Variants in SDK1 observed in about 807,000 individuals in gnomAD.
The protein encoded by SDK1 is protein sidekick-1.
SDK1 carries 157 observed loss-of-function variants against 245.5 expected under a neutral mutation model. That is an observed-to-expected ratio of 0.64 (90% CI 0.56 to 0.73). SDK1 has a LOEUF of 0.73. Ranked by LOEUF, SDK1 falls within the 30% of genes least tolerant of loss-of-function variation. SDK1 has a pLI of 0.00. For synonymous variants in SDK1, 1,647 were observed against 1,278.5 expected, an observed-to-expected ratio of 1.29 and a Z score of -6.15; for missense variants, 3,583 against 3,002.3, an observed-to-expected ratio of 1.19 and a Z score of -4.52.
chr7:4,148,788 T>C (rs1046021022), intron 29 of SDK1, among the ~76,000 whole-genome samples: 1 of 152,196 alleles, frequency 6.6e-6, no homozygotes, highest in Non-Finnish European at 1.5e-5. Context: ...CTGGGTGTAG[T>C]GGCTCACGCC....
intron 4 of SDK1, among the ~76,000 whole-genome samples, chr7:3,669,380 C>G (rs1297551789): frequency 2.0e-5 from 3 of 152,136 alleles, no homozygotes; most frequent in Non-Finnish European, 2.9e-5. Flanking sequence ...CTTCTTACCC[C>G]CTTTTCATTG....
intron 1 of SDK1, among the ~76,000 whole-genome samples, chr7:3,329,936 T>C (rs1261321091): frequency 6.6e-6 from 1 of 152,220 alleles, no homozygotes; most frequent in African/African-American, 2.4e-5. Context: ...AATACTATGC[T>C]GTTTTATATC....
chr7:3,917,657 C>T (rs1362054486), intron 5 of SDK1, among the ~76,000 whole-genome samples: 6 of 152,142 alleles, frequency 3.9e-5, no homozygotes, highest in Non-Finnish European at 5.9e-5. Context: ...GTTAGAGGAA[C>T]GTCTATGGGA....
chr7:3,509,749 C>A (rs1019722026), intron 1 of SDK1, among the ~76,000 whole-genome samples: 147 of 152,260 alleles, frequency 9.7e-4, no homozygotes, highest in African/African-American at 3.4e-3. Flanking sequence ...TTTCTACCTT[C>A]GGCCCTGCAG....
intron 32 of SDK1, among the ~76,000 whole-genome samples, chr7:4,162,391 T>TTATTAG (rs1480532449): frequency 6.8e-6 from 1 of 147,118 alleles, no homozygotes; most frequent in Non-Finnish European, 1.5e-5. Context: ...ATTATTATTA[T>TTATTAG]TATTATTATT....
At chr7:3,898,717 A>G (rs1781684891) in intron 5 of SDK1, among the ~76,000 whole-genome samples, 1 of 152,266 alleles carries the variant, frequency 6.6e-6, no homozygotes, top group Non-Finnish European at 1.5e-5. Context: ...TTTTGGTTTT[A>G]TTATGTCACG....
chr7:3,905,735 G>A (rs1778885253), intron 5 of SDK1, among the ~76,000 whole-genome samples: 1 of 151,580 alleles, frequency 6.6e-6, no homozygotes, highest in Non-Finnish European at 1.5e-5. Context: ...CAATCTTCTA[G>A]ACTCAGCCTC....
At chr7:3,972,871 A>G (rs1363740856) in intron 12 of SDK1, among the ~76,000 whole-genome samples, 1 of 152,182 alleles carries the variant, frequency 6.6e-6, no homozygotes, top group Non-Finnish European at 1.5e-5. Context: ...CGAATGCAAA[A>G]CAAAACAAGC....
chr7:3,758,984 C>G (rs751416010), intron 4 of SDK1, among the ~76,000 whole-genome samples: 2 of 152,162 alleles, frequency 1.3e-5, no homozygotes, highest in Non-Finnish European at 2.9e-5. Context: ...CCCTTGGTTA[C>G]TTGTAATTTA....
At chr7:3,425,487 A>G (rs937071679) in intron 1 of SDK1, among the ~76,000 whole-genome samples, 13 of 152,196 alleles carry the variant, frequency 8.5e-5, no homozygotes, top group African/African-American at 3.1e-4. Context: ...TACCAGCATG[A>G]TAGATTTGTT....
At position 3,937,757 on chromosome 7, in the gene SDK1, G is replaced by A. The variant is rs1035021955; in HGVS notation, c.848-13166G>A. Among the ~76,000 whole-genome samples, 8 of 152,358 alleles carry A rather than the reference G, an allele frequency of 5.3e-5. No individual in the cohort carries two copies. In the South Asian group the frequency reaches 6.2e-4, roughly 12 times the overall value. On this transcript the variant is annotated intron_variant, in intron 5 of 44. Coordinates refer to ENST00000404826, the MANE Select transcript of SDK1 (RefSeq NM_152744.4). ...CAGGTTCCCATTGTCCGTGTTAATA[G>A]CCTCAGATGGGCATCAGTTGCCCTG...
Position 3,662,605 on chromosome 7 carries a change from T to G in SDK1, c.713+20500T>G, listed in dbSNP as rs565468413. ...GGGGACGATTGGGAGCTCACAGGCT[T>G]GGGTTCGGAGAAATGGTTCCTCTCT... On this transcript the variant is annotated intron_variant, in intron 4 of 44. Transcript: ENST00000404826. Among the ~76,000 whole-genome samples the G allele has an allele frequency of 1.1e-3, 165 of 152,244 alleles. 2 individuals carry two copies. In the South Asian group the frequency reaches 0.033, roughly 31 times the overall value.
At position 3,589,740 on chromosome 7, in the gene SDK1, C is replaced by T. The variant is rs145076962; in HGVS notation, c.299-29340C>T. On this transcript the variant is annotated intron_variant, in intron 1 of 44. Transcript: ENST00000404826. ...TGAGAACAGCATGGGAAAAAACCACCCCCATGATTCGATTGCCTCCCACTG... is the reference window on the plus strand; with the variant it reads ...TGAGAACAGCATGGGAAAAAACCACTCCCATGATTCGATTGCCTCCCACTG... Among the ~76,000 whole-genome samples the T allele has an allele frequency of 5.7e-3, 867 of 152,240 alleles. 11 individuals are homozygous for T. Among genetic ancestry groups the T allele is most frequent in the African/African-American group, 0.019 (801 of 41,544 alleles).
chr7:3,668,940 A>C (rs1318489823), intron 4 of SDK1, among the ~76,000 whole-genome samples: 1 of 152,182 alleles, frequency 6.6e-6, no homozygotes, highest in Non-Finnish European at 1.5e-5. Context: ...TCCCTGTGTG[A>C]CGTCATGGGA....
At chr7:3,951,187 A>G (rs969886210) in intron 6 of SDK1, among the ~76,000 whole-genome samples, 153 bp downstream of exon 6, 2 of 152,094 alleles carry the variant, frequency 1.3e-5, no homozygotes, top group South Asian at 2.1e-4. Context: ...ATATGGGTAG[A>G]TAAGGAAATG....
intron 44 of SDK1, among the ~76,000 whole-genome samples, chr7:4,261,298 A>G (rs1787986892): frequency 6.6e-6 from 1 of 152,146 alleles, no homozygotes; most frequent in South Asian, 2.1e-4. Context: ...TGGCAGGAAC[A>G]TCACTCACCG....
At chr7:3,343,493 C>T (rs774896645) in intron 1 of SDK1, among the ~76,000 whole-genome samples, 70 of 152,182 alleles carry the variant, frequency 4.6e-4, no homozygotes, top group Non-Finnish European at 7.8e-4. Flanking sequence ...GGCTAAAGAG[C>T]AGAAGAGAGT....
rs193210326 is a variant in SDK1 at position 3,689,819 on chromosome 7, G to C, written c.713+47714G>C. On this transcript the variant is annotated intron_variant, in intron 4 of 44. Transcript: ENST00000404826. ...CATTCATAATTCTAAATTATTTTGA[G>C]TCTGTGTCTACACAGGCCCATATCT... 5.1e-4 allele frequency among the ~76,000 whole-genome samples: 77 copies of C among 152,244 alleles called. 1 individual carries two copies. Among genetic ancestry groups the C allele is most frequent in the African/African-American group, 1.7e-3 (70 of 41,536 alleles).
intron 1 of SDK1, among the ~76,000 whole-genome samples, chr7:3,581,287 C>T (rs759371586): frequency 1.3e-5 from 2 of 152,118 alleles, no homozygotes; most frequent in Admixed American, 6.6e-5. Flanking sequence ...TATGATAAAT[C>T]AGTGCTATGA....
Sources: gnomAD v4.1 joint callset for allele counts (sites outside exome capture counted in the v4.1 genomes callset) on GRCh38, gnomAD v4.1.1 for gene constraint, MANE v1.5 for transcripts, NCBI Gene and HGNC (gene_info 2026-07-23, HGNC 2026-07-21) for gene names.